PGM1: variants seen among roughly 807,000 people sequenced by gnomAD.
The protein encoded by PGM1 is phosphoglucomutase-1.
A neutral mutation model predicts 55.6 loss-of-function variants in PGM1; 52 were observed. That is an observed-to-expected ratio of 0.94 (90% confidence interval 0.75 to 1.18). The LOEUF (loss-of-function observed/expected upper bound fraction) is 1.18. PGM1 is among the 50% of genes most tolerant of loss of function. The pLI is 0.00. For synonymous variants in PGM1, 287 were observed against 271.7 expected (o/e 1.06, Z -0.55); for missense variants, 724 against 729.3 (o/e 0.99, Z 0.08).
In PGM1 at chr1:63,597,998, C is replaced by CT. The variant is rs1322673732; in HGVS notation, c.246+4266dup. Among the ~76,000 whole-genome samples the CT allele has an allele frequency of 3.3e-5, 5 of 152,232 alleles. No homozygotes were observed. In the South Asian group the frequency reaches 6.2e-4, roughly 19 times the overall value. The stretch of plus-strand genomic sequence containing the variant: ...TATTTTTAAAAATTTGAGACATGGT[C>CT]TTACTCTGTTGCCCAGACTGCAGCA... On this transcript the variant is annotated intron_variant, in intron 1 of 10. Coordinates refer to ENST00000371084, the MANE Select transcript of PGM1 (RefSeq NM_002633.3).
At chr1:63,648,435 G>T (rs1440530487) in intron 7 of PGM1, 82 bp from the exon 8 acceptor site, 2 of 1,514,188 alleles carry the variant, frequency 1.3e-6, no homozygotes, top group Non-Finnish European at 9.1e-7. Context: ...GGGTGGGGAT[G>T]CAGAGCCAAA....
Position 63,619,038 on chromosome 1 carries a change from C to T in PGM1, c.247-10387C>T, listed in dbSNP as rs551253615. On this transcript the variant is annotated intron_variant, in intron 1 of 10. Coordinates refer to ENST00000371084, the MANE Select transcript of PGM1 (RefSeq NM_002633.3). ...TCAGCAGCAGTTCTGTGGATATTCT[C>T]ATGCCTCAACTGTTCTTGCCCCACA... 1.8e-4 allele frequency among the ~76,000 whole-genome samples: 28 copies of T among 152,318 alleles called. 1 individual carries two copies. The South Asian group carries it at 5.4e-3, about 29-fold the overall frequency.
chr1:63,620,625 G>C (rs1648855587), intron 1 of PGM1, among the ~76,000 whole-genome samples: 1 of 152,146 alleles, frequency 6.6e-6, no homozygotes. Flanking sequence ...AGTGAATAAA[G>C]GATTGGTAAG....
At chr1:63,638,853 T>C (rs1318961560) in intron 7 of PGM1, 53 bp downstream of exon 7, 1 of 1,272,860 alleles carries the variant, frequency 7.9e-7, no homozygotes, top group Non-Finnish European at 1.2e-6. Flanking sequence ...CTATTTCCAG[T>C]AAAAGCTTAG....
At chr1:63,652,289 G>T (rs1173904677) in intron 9 of PGM1, among the ~76,000 whole-genome samples, 3 of 152,166 alleles carry the variant, frequency 2.0e-5, no homozygotes, top group Non-Finnish European at 2.9e-5. Flanking sequence ...CGTTTCTCTC[G>T]TATGTTCTAA....
At chr1:63,595,395 T>A (rs990546856) in intron 1 of PGM1, among the ~76,000 whole-genome samples, 1 of 152,222 alleles carries the variant, frequency 6.6e-6, no homozygotes, top group African/African-American at 2.4e-5. Context: ...CTCCTGAGAA[T>A]GAAGAATGAA....
chr1:63,610,036 T>A (rs1328606353), intron 1 of PGM1, among the ~76,000 whole-genome samples: 1 of 152,230 alleles, frequency 6.6e-6, no homozygotes, highest in Non-Finnish European at 1.5e-5. Flanking sequence ...GACTTTGAGA[T>A]TTTGCTTCAA....
rs1036822807 is a variant in PGM1, at chr1:63,658,609, G to A, written c.1600-977G>A. 2.0e-5 allele frequency among the ~76,000 whole-genome samples: 3 copies of A among 151,654 alleles called. No homozygotes were observed. In the East Asian group the frequency reaches 5.8e-4, roughly 30 times the overall value. The stretch of plus-strand genomic sequence containing the variant: ...CTCTACTAAAAATACAAAATTAGCC[G>A]GGCGTGGTGGCGCATGCCTGTAATC... On this transcript the variant is annotated intron_variant, in intron 10 of 10. Coordinates refer to ENST00000371084, the MANE Select transcript of PGM1 (RefSeq NM_002633.3).
Position 63,631,719 on chromosome 1 carries a change from G to T in PGM1, c.619G>T (p.Ala207Ser). 1 of 1,612,762 alleles carries T rather than the reference G, an allele frequency of 6.2e-7. No individual in the cohort carries two copies. The highest frequency in any genetic ancestry group is 8.5e-7 in the Non-Finnish European group (1 of 1,178,784). The change falls in exon 4 of 11, where the codon GCA becomes TCA. Residue 207 changes from alanine to serine, a missense_variant. Physicochemically the swap from Ala to Ser is moderately conservative, Grantham distance 99. Coordinates refer to ENST00000371084, the MANE Select transcript of PGM1 (RefSeq NM_002633.3). ...TMLRSIFDFS[A>S]LKELLSGPNR... Reference sequence around the variant, plus strand: ...GCTGAGAAGCATCTTTGATTTCAGTGCACTGAAAGAACTACTTTCTGGGCC... The same window carrying T: ...GCTGAGAAGCATCTTTGATTTCAGTTCACTGAAAGAACTACTTTCTGGGCC...
intron 4 of PGM1, among the ~76,000 whole-genome samples, chr1:63,634,369 A>T (rs2100987052): frequency 6.6e-6 from 1 of 152,288 alleles, no homozygotes; most frequent in South Asian, 2.1e-4. Context: ...TTGCAGATGG[A>T]AGAGACTGAG....
intron 7 of PGM1, 23 bp downstream of exon 7, chr1:63,638,823 C>A: frequency 6.7e-7 from 1 of 1,492,512 alleles, no homozygotes; most frequent in Non-Finnish European, 9.4e-7. Flanking sequence ...CCTGTGCTAG[C>A]ATTTTCCTCC....
chr1:63,651,445 T>C (rs1649803613), intron 8 of PGM1: 2 of 540,698 alleles, frequency 3.7e-6, no homozygotes, highest in Non-Finnish European at 6.7e-6. Context: ...TTTCTGCTTA[T>C]TCAGAAGCTC....
chr1:63,638,843 C>T (rs1296291258), intron 7 of PGM1, 43 bp downstream of exon 7: 8 of 1,341,200 alleles, frequency 6.0e-6, no homozygotes, highest in African/African-American at 4.3e-5. Context: ...CCTGTAACCA[C>T]TATTTCCAGT....
At chr1:63,604,917 CTGTGTGTGT>C (rs921973070) in intron 1 of PGM1, among the ~76,000 whole-genome samples, 5 of 118,836 alleles carry the variant, frequency 4.2e-5, no homozygotes, top group Middle Eastern at 4.1e-3. Context: ...TTACATAACT[CTGTGTGTGT>C]GTGTGTGTGT....
chr1:63,615,666 G>A (rs1322632337), intron 1 of PGM1, among the ~76,000 whole-genome samples: 2 of 144,982 alleles, frequency 1.4e-5, no homozygotes, highest in African/African-American at 5.1e-5. Flanking sequence ...GGGTTCCAGC[G>A]ATTCTCCTGC....
intron 1 of PGM1, among the ~76,000 whole-genome samples, chr1:63,597,803 G>A (rs1648124177): frequency 6.6e-6 from 1 of 152,164 alleles, no homozygotes; most frequent in Admixed American, 6.5e-5. Context: ...TGCATGTTTT[G>A]AAGGATGATT....
In PGM1 at chr1:63,631,167, A is replaced by T. The variant is rs1213012872; in HGVS notation, c.557-490A>T. On this transcript the variant is annotated intron_variant, in intron 3 of 10. Transcript: ENST00000371084. ...CCTTAAGCAGTACCTGTGAAAAGTG[A>T]TTCATTAAAAAATTTCATTTTCCAC... is the stretch of plus-strand genomic sequence containing the variant. Among the ~76,000 whole-genome samples the T allele has an allele frequency of 2.6e-5, 4 of 152,288 alleles. No individual in the cohort carries two copies. The East Asian group carries it at 7.7e-4, about 29-fold the overall frequency.
intron 10 of PGM1, among the ~76,000 whole-genome samples, chr1:63,657,212 A>T (rs76157417): frequency 0.016 from 2,426 of 152,302 alleles, 68 homozygotes; most frequent in African/African-American, 0.056. Context: ...TGTGAAACTC[A>T]TTTGGAAACC....
intron 1 of PGM1, chr1:63,623,188 T>G: frequency 8.0e-7 from 1 of 1,254,138 alleles, no homozygotes; most frequent in Non-Finnish European, 1.0e-6. Context: ...GTATTTGGCT[T>G]GGTTAAGTGG....
Sources: allele counts gnomAD v4.1 joint callset (sites outside exome capture counted in the v4.1 genomes callset), GRCh38; gene constraint gnomAD v4.1.1; transcripts MANE v1.5; gene names NCBI Gene and HGNC (gene_info 2026-07-23, HGNC 2026-07-21).